Variants in TSN observed in about 807,000 individuals in gnomAD.
TSN encodes translin.
A neutral mutation model predicts 29.4 loss-of-function variants in TSN; 5 were observed. The observed-to-expected ratio is 0.17, with a 90% CI of 0.09 to 0.36. The LOEUF (loss-of-function observed/expected upper bound fraction) is 0.36. Among genes scored for constraint, TSN ranks in the 10% least tolerant of loss-of-function variants. The pLI, the probability that TSN is intolerant of heterozygous loss-of-function variation, is 1.00. For missense variants in TSN, 159 were observed against 272.8 expected (o/e 0.58, Z 2.94); for synonymous variants, 106 against 102.2 (o/e 1.04, Z -0.23).
At chr2:121,763,330 A>G (rs1363029633) in intron 5 of TSN, among the ~76,000 whole-genome samples, 2 of 151,880 alleles carry the variant, frequency 1.3e-5, no homozygotes, top group East Asian at 1.9e-4. Flanking sequence ...TATTTTTAGT[A>G]GAGACGGGGT....
chr2:121,757,363 A>G (rs1452469333), intron 2 of TSN, 30 bp downstream of exon 2: 2 of 1,613,470 alleles, frequency 1.2e-6, no homozygotes, highest in African/African-American at 2.7e-5. Context: ...TCCAATTATC[A>G]GTCTCTTATT....
Position 121,762,337 on chromosome 2 carries a change from C to T in TSN, c.374-668C>T, listed in dbSNP as rs545951128. On this transcript the variant is annotated intron_variant, in intron 4 of 5. Coordinates refer to ENST00000389682, the MANE Select transcript of TSN (RefSeq NM_004622.3). The stretch of plus-strand genomic sequence containing the variant: ...TAGAAACAGGGTTTCACCATGTTGG[C>T]CAGGCTGGTCTTGAACTCCTGACCT... Among the ~76,000 whole-genome samples, 81 of 152,052 alleles carry T rather than the reference C, an allele frequency of 5.3e-4. No homozygotes were observed. In the South Asian group the frequency reaches 7.5e-3, roughly 14 times the overall value.
chr2:121,761,512 G>A lies in TSN; in HGVS notation c.361G>A (p.Glu121Lys), dbSNP rs2074827193. The A allele has an allele frequency of 1.2e-6, 2 of 1,613,768 alleles. No individual in the cohort carries two copies. The highest frequency in any genetic ancestry group is 1.7e-6 in the Non-Finnish European group (2 of 1,179,644). Reference sequence around the variant, plus strand: ...ACTAGTGACTCGAGAAGCAGTTACAGAAATTCTTGGCAGTAAGTGTCTTTA... The same window carrying A: ...ACTAGTGACTCGAGAAGCAGTTACAAAAATTCTTGGCAGTAAGTGTCTTTA... Reference protein sequence around the residue: ...ETLVTREAVTEILGIEPDREK... With the variant: ...ETLVTREAVTKILGIEPDREK... The change falls in exon 4 of 6, where the codon GAA becomes AAA. Residue 121 changes from glutamate (E) to lysine (K), a missense_variant. Glu to Lys is a moderately conservative substitution (Grantham distance 56). Transcript: ENST00000389682.
At chr2:121,756,721 A>G (rs2074754445) in intron 1 of TSN, 2 of 812,182 alleles carry the variant, frequency 2.5e-6, no homozygotes, top group Non-Finnish European at 3.5e-6. Flanking sequence ...CCTGGCCAAC[A>G]TGGGGAAACC....
intron 2 of TSN, among the ~76,000 whole-genome samples, chr2:121,758,366 A>G (rs2074777922): frequency 6.6e-6 from 1 of 152,190 alleles, no homozygotes; most frequent in Admixed American, 6.5e-5. Flanking sequence ...TCTGCCAAAT[A>G]TGGGAGGAAG....
Position 121,765,503 on chromosome 2 carries a change from G to A in TSN, c.*136G>A. 1 of 808,930 alleles carries A rather than the reference G, an allele frequency of 1.2e-6. No homozygotes were observed. The highest frequency in any genetic ancestry group is 1.9e-6 in the Non-Finnish European group (1 of 517,734). 50.1% of individuals were successfully genotyped at this position (808,930 alleles called of 1,614,324 possible). On this transcript the variant is annotated 3_prime_UTR_variant, in exon 6 of 6. Transcript: ENST00000389682. ...ATTTTCTTAACCAGTTGTGGTGTGA[G>A]TATCAGAATTGAAACACTTTTTTGG...
chr2:121,765,416 G>A lies in TSN; in HGVS notation c.*49G>A, dbSNP rs545121539. On this transcript the variant is annotated 3_prime_UTR_variant, in exon 6 of 6. Transcript: ENST00000389682. ...TGCTGACCTCAGCGGTTGCCAGGAAGGGGTGAGCACAGAGTGCCTCTTACG... is the reference window on the plus strand; with the variant it reads ...TGCTGACCTCAGCGGTTGCCAGGAAAGGGTGAGCACAGAGTGCCTCTTACG... 2 of 1,578,402 alleles carry A rather than the reference G, an allele frequency of 1.3e-6. No individual in the cohort carries two copies. The highest frequency in any genetic ancestry group is 2.7e-5 in the African/African-American group (2 of 74,170).
intron 3 of TSN, among the ~76,000 whole-genome samples, 177 bp downstream of exon 3, chr2:121,758,983 T>G (rs2074785607): frequency 6.6e-6 from 1 of 152,216 alleles, no homozygotes; most frequent in African/African-American, 2.4e-5. Context: ...TTTTCTTCTT[T>G]TTACTGTCTA....
At chr2:121,764,558 A>G (rs1229221687) in intron 5 of TSN, among the ~76,000 whole-genome samples, 3 of 152,068 alleles carry the variant, frequency 2.0e-5, no homozygotes, top group African/African-American at 7.2e-5. Flanking sequence ...ATTTTAATAT[A>G]TTTTTTAAAG....
At chr2:121,761,271 T>C (rs1178773890) in intron 3 of TSN, 138 bp from the exon 4 acceptor site, 2 of 628,394 alleles carry the variant, frequency 3.2e-6, no homozygotes, top group African/African-American at 1.9e-5. Flanking sequence ...GTCATATTTC[T>C]CTTTATATAT....
At position 121,765,541 on chromosome 2, in the gene TSN, T is replaced by A; in HGVS notation, c.*174T>A. On this transcript the variant is annotated 3_prime_UTR_variant, in exon 6 of 6. Coordinates refer to ENST00000389682, the MANE Select transcript of TSN (RefSeq NM_004622.3). ...AACACTTTTTTGGGGGTAAAAAATA[T>A]AGCCTTTACATGGACAGAATTTTTT... 1.6e-6 allele frequency: 1 copy of A among 636,012 alleles called. No homozygotes were observed. Among genetic ancestry groups the A allele is most frequent in the Non-Finnish European group, 2.7e-6 (1 of 370,880 alleles). 39.4% of individuals were successfully genotyped at this position (636,012 alleles called of 1,614,324 possible).
At position 121,761,587 on chromosome 2, in the gene TSN, G is replaced by A. The variant is rs1181040765; in HGVS notation, c.373+63G>A. 7.0e-6 allele frequency: 9 copies of A among 1,278,934 alleles called. No homozygotes were observed. In the African/African-American group the frequency reaches 1.3e-4, roughly 19 times the overall value. The allele number at this position is 1,278,934 out of a possible 1,614,324, so 79.2% of individuals were successfully genotyped here. Reference sequence around the variant, plus strand: ...ATGGTTGCTTACTTTTTGGTGGAAAGGGTGGTTGTACTTTGTTTATTAAAA... The same window carrying A: ...ATGGTTGCTTACTTTTTGGTGGAAAAGGTGGTTGTACTTTGTTTATTAAAA... On this transcript the variant is annotated intron_variant, in intron 4 of 5. Transcript: ENST00000389682.
chr2:121,762,151 C>T (rs2074840095), intron 4 of TSN, among the ~76,000 whole-genome samples: 1 of 152,156 alleles, frequency 6.6e-6, no homozygotes, highest in South Asian at 2.1e-4. Flanking sequence ...CACCACCACA[C>T]CCGGCTAATT....
At chr2:121,763,552 T>C (rs1418840130) in intron 5 of TSN, among the ~76,000 whole-genome samples, 3 of 152,178 alleles carry the variant, frequency 2.0e-5, no homozygotes, top group Admixed American at 6.5e-5. Flanking sequence ...TGTGTTACAA[T>C]TTACTAGGCA....
chr2:121,765,582 A>C lies in TSN; in HGVS notation c.*215A>C, dbSNP rs180966758. 6 of 579,984 alleles carry C rather than the reference A, an allele frequency of 1.0e-5. No homozygotes were observed. The East Asian group carries it at 1.7e-4, about 17-fold the overall frequency. The allele number at this position is 579,984 out of a possible 1,614,324, so 35.9% of individuals were successfully genotyped here. A position where few individuals can be genotyped will look rare whatever the true frequency, so the allele number is the denominator to read the frequency against. On this transcript the variant is annotated 3_prime_UTR_variant, in exon 6 of 6. Coordinates refer to ENST00000389682, the MANE Select transcript of TSN (RefSeq NM_004622.3). ...AGAATTTTTTTTGTTGTTTCAGTGAATATGCCTGTAATTCAGTGTATTTCA... is the reference window on the plus strand; with the variant it reads ...AGAATTTTTTTTGTTGTTTCAGTGACTATGCCTGTAATTCAGTGTATTTCA...
intron 5 of TSN, 30 bp from the exon 6 acceptor site, chr2:121,765,104 C>G (rs753371388): frequency 1.7e-5 from 27 of 1,605,026 alleles, no homozygotes; most frequent in East Asian, 2.2e-5. Flanking sequence ...CATGTTGTAA[C>G]AAGCCCCTGT....
intron 2 of TSN, 88 bp from the exon 3 acceptor site, chr2:121,758,622 A>G: frequency 9.9e-7 from 1 of 1,005,622 alleles, no homozygotes; most frequent in Non-Finnish European, 1.4e-6. Flanking sequence ...TTTGTTGATT[A>G]ATTTCCAGAT....
intron 1 of TSN, chr2:121,756,131 T>G: frequency 1.9e-6 from 1 of 522,644 alleles, no homozygotes; most frequent in Non-Finnish European, 3.3e-6. Flanking sequence ...TAGCACCTGG[T>G]CTTCAGCGAA....
chr2:121,758,665 T>G, intron 2 of TSN, 45 bp from the exon 3 acceptor site: 1 of 1,440,148 alleles, frequency 6.9e-7, no homozygotes. Context: ...AGAACTGTAT[T>G]TGAAATTTGG....
Sources: allele counts gnomAD v4.1 joint callset (sites outside exome capture counted in the v4.1 genomes callset), GRCh38; gene constraint gnomAD v4.1.1; transcripts MANE v1.5; gene names NCBI Gene and HGNC (gene_info 2026-07-23, HGNC 2026-07-21).